The following OXR1 variants were observed in gnomAD, a reference collection of about 807,000 sequenced individuals.
OXR1 encodes oxidation resistance protein 1.
In OXR1, 41 loss-of-function variants were observed where a neutral mutation model predicts 104.6. That is an observed-to-expected ratio of 0.39 (90% CI 0.31 to 0.51). The LOEUF (loss-of-function observed/expected upper bound fraction) is 0.51. Ranked by LOEUF, OXR1 falls within the 20% of genes least tolerant of loss-of-function variation. OXR1 has a pLI of 0.77. For synonymous variants in OXR1, 348 were observed against 348.4 expected (o/e 1.00, Z 0.01); for missense variants, 955 against 1,031.9 (o/e 0.93, Z 1.02).
At chr8:106,324,869 G>T (rs1814398735) in intron 1 of OXR1, among the ~76,000 whole-genome samples, 1 of 152,136 alleles carries the variant, frequency 6.6e-6, no homozygotes, top group Non-Finnish European at 1.5e-5. Flanking sequence ...CTGCTGAGGA[G>T]GGGAAAATGG....
intron 1 of OXR1, among the ~76,000 whole-genome samples, chr8:106,281,978 A>G (rs1369860345): frequency 1.3e-5 from 2 of 152,132 alleles, no homozygotes; most frequent in African/African-American, 2.4e-5. Flanking sequence ...ACTGATTTAT[A>G]TGCTATATTC....
At chr8:106,538,919 G>A (rs756871697) in intron 3 of OXR1, among the ~76,000 whole-genome samples, 25 of 152,244 alleles carry the variant, frequency 1.6e-4, no homozygotes, top group Admixed American at 3.3e-4. Flanking sequence ...ACCTTATGCC[G>A]TAGGTTTTTT....
intron 2 of OXR1, among the ~76,000 whole-genome samples, chr8:106,443,983 A>G (rs1460802150): frequency 6.6e-6 from 1 of 152,218 alleles, no homozygotes; most frequent in African/African-American, 2.4e-5. Context: ...AAAGGAACTT[A>G]AACATATTTA....
At chr8:106,493,795 T>C (rs371047779) in intron 2 of OXR1, among the ~76,000 whole-genome samples, 1 of 152,058 alleles carries the variant, frequency 6.6e-6, no homozygotes, top group South Asian at 2.1e-4. Context: ...GAAAGAAAAA[T>C]GGAGCTGGGA....
At chr8:106,657,128 G>T (rs1224907827) in intron 3 of OXR1, among the ~76,000 whole-genome samples, 1 of 152,074 alleles carries the variant, frequency 6.6e-6, no homozygotes, top group Non-Finnish European at 1.5e-5. Flanking sequence ...TCCCTGTCTA[G>T]GTTCTTTGTC....
intron 3 of OXR1, among the ~76,000 whole-genome samples, chr8:106,671,004 C>T (rs997760635): frequency 3.6e-5 from 5 of 138,252 alleles, no homozygotes; most frequent in Admixed American, 7.4e-5. Context: ...AAAATTGCAC[C>T]TCTGCACTCC....
intron 3 of OXR1, among the ~76,000 whole-genome samples, chr8:106,663,890 C>A (rs1376450600): frequency 6.6e-6 from 1 of 152,130 alleles, no homozygotes; most frequent in African/African-American, 2.4e-5. Context: ...AGGTTGGGGA[C>A]CACTGCTTTA....
intron 2 of OXR1, among the ~76,000 whole-genome samples, chr8:106,379,050 C>T (rs1425890037): frequency 1.3e-5 from 2 of 152,104 alleles, no homozygotes; most frequent in South Asian, 2.1e-4. Context: ...TAATTATGAC[C>T]ACAAGACAAC....
chr8:106,572,492 A>G (rs1261590984), intron 3 of OXR1, among the ~76,000 whole-genome samples: 2 of 152,104 alleles, frequency 1.3e-5, no homozygotes, highest in African/African-American at 4.8e-5. Flanking sequence ...TGCTTCTACA[A>G]TTTATTTCTC....
intron 1 of OXR1, among the ~76,000 whole-genome samples, chr8:106,339,519 A>AATATAT (rs756741127): frequency 0.023 from 753 of 32,986 alleles, 17 homozygotes; most frequent in East Asian, 0.045. Context: ...AAAAAAAAAA[A>AATATAT]ATATATATAT....
chr8:106,694,914 TA>T (rs1829807619), intron 7 of OXR1, among the ~76,000 whole-genome samples: 1 of 123,282 alleles, frequency 8.1e-6, no homozygotes. Context: ...TCTATTTACA[TA>T]TTTATATATA....
At chr8:106,452,654 T>A (rs561438217) in intron 2 of OXR1, among the ~76,000 whole-genome samples, 3 of 152,264 alleles carry the variant, frequency 2.0e-5, no homozygotes, top group African/African-American at 7.2e-5. Flanking sequence ...AATTTACTGT[T>A]CCTGGAATTG....
intron 7 of OXR1, chr8:106,697,363 A>C: frequency 8.7e-7 from 1 of 1,149,902 alleles, no homozygotes; most frequent in Non-Finnish European, 1.2e-6. Context: ...CACTGCTAAA[A>C]TATATATCTA....
intron 6 of OXR1, among the ~76,000 whole-genome samples, chr8:106,689,484 TG>T: frequency 6.6e-6 from 1 of 152,174 alleles, no homozygotes; most frequent in East Asian, 1.9e-4. Context: ...ATTATCATTT[TG>T]GGGGAGACAG....
intron 2 of OXR1, among the ~76,000 whole-genome samples, chr8:106,478,526 G>A (rs1275768681): frequency 6.6e-6 from 1 of 151,746 alleles, no homozygotes; most frequent in Non-Finnish European, 1.5e-5. Context: ...GAAGTTCTTG[G>A]CAAAGAGAGT....
chr8:106,630,168 G>A (rs1252958126), intron 3 of OXR1, among the ~76,000 whole-genome samples: 4 of 152,166 alleles, frequency 2.6e-5, no homozygotes, highest in Admixed American at 1.3e-4. Context: ...GCTGCTACCA[G>A]ACAAATGTGG....
intron 1 of OXR1, among the ~76,000 whole-genome samples, chr8:106,311,090 T>C (rs1813681267): frequency 6.6e-6 from 1 of 152,078 alleles, no homozygotes; most frequent in Non-Finnish European, 1.5e-5. Context: ...TTTCTTATTA[T>C]TTATCTCTAA....
intron 2 of OXR1, among the ~76,000 whole-genome samples, chr8:106,412,571 G>A (rs560603845): frequency 1.5e-4 from 23 of 149,984 alleles, no homozygotes; most frequent in South Asian, 4.3e-4. Flanking sequence ...AGAAAGTTCC[G>A]GAACAACCAT....
chr8:106,692,635 T>A, intron 6 of OXR1, 93 bp from the exon 7 acceptor site: 1 of 652,414 alleles, frequency 1.5e-6, no homozygotes, highest in Non-Finnish European at 2.4e-6. Flanking sequence ...CAACACTTAT[T>A]GGGGAAAGCT....
Sources: allele counts gnomAD v4.1 joint callset (sites outside exome capture counted in the v4.1 genomes callset), GRCh38; gene constraint gnomAD v4.1.1; transcripts MANE v1.5; gene names NCBI Gene and HGNC (gene_info 2026-07-23, HGNC 2026-07-21).